Variants in CHKA observed in about 807,000 individuals in gnomAD.
The protein encoded by CHKA is choline kinase alpha, also known as CHETK-alpha.
CHKA carries 34 observed loss-of-function variants against 60.1 expected under a neutral mutation model. The ratio of observed to expected loss-of-function variants is 0.57; its 90% confidence interval spans 0.43 to 0.75. The LOEUF is 0.75. Among genes scored for constraint, CHKA ranks in the 30% least tolerant of loss-of-function variants. The pLI, the probability that CHKA is intolerant of heterozygous loss-of-function variation, is 0.00. For missense variants in CHKA, 563 were observed against 561.3 expected, an observed-to-expected ratio of 1.00 and a Z score of -0.03; for synonymous variants, 217 against 223.1, an observed-to-expected ratio of 0.97 and a Z score of 0.24.
intron 1 of CHKA, among the ~76,000 whole-genome samples, chr11:68,113,672 G>A (rs1277711564): frequency 2.0e-5 from 3 of 151,510 alleles, no homozygotes; most frequent in East Asian, 1.9e-4. Context: ...TCCAGCCTGG[G>A]CAAAAGAGCA....
chr11:68,069,047 T>C, intron 6 of CHKA, 110 bp from the exon 7 acceptor site: 1 of 730,834 alleles, frequency 1.4e-6, no homozygotes, highest in Non-Finnish European at 2.4e-6. Flanking sequence ...CAACACACAG[T>C]TTCAGAGTAG....
chr11:68,110,444 T>C (rs139946840), intron 1 of CHKA, among the ~76,000 whole-genome samples: 6 of 152,318 alleles, frequency 3.9e-5, no homozygotes, highest in African/African-American at 1.4e-4. Flanking sequence ...ACCAGTTTCC[T>C]ACATACCAGT....
chr11:68,118,489 T>C (rs1349374541), intron 1 of CHKA, among the ~76,000 whole-genome samples: 1 of 152,112 alleles, frequency 6.6e-6, no homozygotes, highest in African/African-American at 2.4e-5. Context: ...TCAGTAAAAT[T>C]TGATAGCTGG....
intron 2 of CHKA, among the ~76,000 whole-genome samples, chr11:68,096,689 T>A (rs941385637): frequency 2.6e-5 from 4 of 152,170 alleles, no homozygotes; most frequent in Non-Finnish European, 5.9e-5. Flanking sequence ...AACTTTATAA[T>A]CTAAATCTGA....
At chr11:68,111,311 T>C (rs962271449) in intron 1 of CHKA, among the ~76,000 whole-genome samples, 2 of 151,532 alleles carry the variant, frequency 1.3e-5, no homozygotes, top group African/African-American at 4.9e-5. Flanking sequence ...ACTGGGGAAG[T>C]TGAGGCAGGA....
chr11:68,081,514 T>C lies in CHKA; in HGVS notation c.463-57A>G, dbSNP rs1590854494. 1.2e-5 allele frequency: 16 copies of C among 1,379,558 alleles called. 1 individual carries two copies. In the South Asian group the frequency reaches 1.6e-4, roughly 14 times the overall value. The allele number at this position is 1,379,558 out of a possible 1,614,324, so 85.5% of individuals were successfully genotyped here. ...GAGATGGGGAACACTAAACAGACAC[T>C]AACTTTGCAACCACCAGAACAGTCA... On this transcript the variant is annotated intron_variant, in intron 2 of 11. Coordinates refer to ENST00000265689, the MANE Select transcript of CHKA (RefSeq NM_001277.3).
chr11:68,053,700 C>T lies in CHKA; in HGVS notation c.*288G>A. 1 of 334,514 alleles carries T rather than the reference C, an allele frequency of 3.0e-6. No homozygotes were observed. Among genetic ancestry groups the T allele is most frequent in the Non-Finnish European group, 5.5e-6 (1 of 181,634 alleles). The allele number at this position is 334,514 out of a possible 1,614,324, so 20.7% of individuals were successfully genotyped here. A position where few individuals can be genotyped will look rare whatever the true frequency, so the allele number is the denominator to read the frequency against. ...CCTCATCTGACTGGAAACCTTAGCC[C>T]CCAAATATGAAATGCCTTCTCTAGA... On this transcript the variant is annotated 3_prime_UTR_variant, in exon 12 of 12. Transcript: ENST00000265689.
chr11:68,061,937 C>A lies in CHKA; in HGVS notation c.1314+16G>T. 1 of 1,522,952 alleles carries A rather than the reference C, an allele frequency of 6.6e-7. No homozygotes were observed. The highest frequency in any genetic ancestry group is 8.9e-7 in the Non-Finnish European group (1 of 1,129,656). 94.3% of individuals were successfully genotyped at this position (1,522,952 alleles called of 1,614,324 possible). ...GTAGGAAGAAAAAAAAAAACAAAAA[C>A]GCTGCTAAAACATACCATGTACCCA... On this transcript the variant is annotated intron_variant, in intron 11 of 11. Transcript: ENST00000265689.
Position 68,103,862 on chromosome 11 carries a change from G to A in CHKA, c.351-6732C>T, listed in dbSNP as rs138560719. On this transcript the variant is annotated intron_variant, in intron 1 of 11. Transcript: ENST00000265689. ...CCGGGAGGCAGTGTTGCAGTGAGCC[G>A]AGATCACACCACTGCACTCCAGCCT... Among the ~76,000 whole-genome samples the A allele has an allele frequency of 7.0e-4, 106 of 151,334 alleles. 1 individual carries two copies. The South Asian group carries it at 0.018, about 26-fold the overall frequency.
chr11:68,093,014 T>G (rs1016645891), intron 2 of CHKA, among the ~76,000 whole-genome samples: 2 of 150,520 alleles, frequency 1.3e-5, no homozygotes, highest in East Asian at 1.9e-4. Flanking sequence ...TGGGTTTTTT[T>G]TTTTTTTTTT....
At chr11:68,094,082 A>C (rs1015096497) in intron 2 of CHKA, among the ~76,000 whole-genome samples, 1 of 152,242 alleles carries the variant, frequency 6.6e-6, no homozygotes, top group African/African-American at 2.4e-5. Flanking sequence ...TAAGTTAGAA[A>C]TGAAAGCCTC....
intron 1 of CHKA, 149 bp downstream of exon 1, chr11:68,120,679 G>T: frequency 3.6e-6 from 1 of 274,992 alleles, no homozygotes; most frequent in Non-Finnish European, 6.1e-6. Context: ...GGCTTTCGCC[G>T]GCTGCGGTCC....
chr11:68,095,837 T>C (rs1170147548), intron 2 of CHKA, among the ~76,000 whole-genome samples: 1 of 148,788 alleles, frequency 6.7e-6, no homozygotes, highest in Non-Finnish European at 1.5e-5. Context: ...AGGTCACAAG[T>C]TTGAGACCAG....
At chr11:68,086,034 G>A (rs1857167065) in intron 2 of CHKA, among the ~76,000 whole-genome samples, 1 of 152,170 alleles carries the variant, frequency 6.6e-6, no homozygotes, top group African/African-American at 2.4e-5. Flanking sequence ...AATAAAATGG[G>A]CCAGGCACGG....
At chr11:68,105,676 G>C (rs1857890448) in intron 1 of CHKA, among the ~76,000 whole-genome samples, 4 of 152,134 alleles carry the variant, frequency 2.6e-5, no homozygotes, top group African/African-American at 9.7e-5. Flanking sequence ...CTGAATGAAT[G>C]CTTAGGCAGA....
At chr11:68,072,794 G>A (rs1472769614) in intron 4 of CHKA, among the ~76,000 whole-genome samples, 1 of 152,032 alleles carries the variant, frequency 6.6e-6, no homozygotes, top group East Asian at 1.9e-4. Context: ...GAGAGTTCAA[G>A]ACCAGCCAGG....
intron 1 of CHKA, among the ~76,000 whole-genome samples, chr11:68,098,882 C>G (rs994580870): frequency 5.5e-5 from 2 of 36,312 alleles, no homozygotes; most frequent in Non-Finnish European, 1.2e-4. Flanking sequence ...TTGGTAGAAA[C>G]GGAGTTTTGC....
At chr11:68,115,024 C>T (rs979499597) in intron 1 of CHKA, among the ~76,000 whole-genome samples, 5 of 152,108 alleles carry the variant, frequency 3.3e-5, no homozygotes, top group African/African-American at 9.7e-5. Context: ...GATATGTATT[C>T]GGAAGAAACC....
In CHKA at chr11:68,121,369, G is replaced by A. The variant is rs887374552; in HGVS notation, c.-192C>T. The A allele has an allele frequency of 1.7e-4, 36 of 205,884 alleles. No individual in the cohort carries two copies. The highest frequency in any genetic ancestry group is 7.1e-4 in the African/African-American group (30 of 42,392). The allele number at this position is 205,884 out of a possible 1,614,324, so 12.8% of individuals were successfully genotyped here. On this transcript the variant is annotated 5_prime_UTR_variant, in exon 1 of 12. Coordinates refer to ENST00000265689, the MANE Select transcript of CHKA (RefSeq NM_001277.3). ...ACTGTGGAGCGGGGATGTGCTGCTG[G>A]CCGCTGCACTCGCTCCTCTGCCGCC...
Sources: gnomAD v4.1 joint callset for allele counts (sites outside exome capture counted in the v4.1 genomes callset) on GRCh38, gnomAD v4.1.1 for gene constraint, MANE v1.5 for transcripts, NCBI Gene and HGNC (gene_info 2026-07-23, HGNC 2026-07-21) for gene names.